Variants in RSBN1L observed in about 807,000 individuals in gnomAD.
RSBN1L encodes round spermatid basic protein 1 like, also known as lysine-specific demethylase RSBN1L.
In RSBN1L, 30 loss-of-function variants were observed where a neutral mutation model predicts 67.7. The ratio of observed to expected loss-of-function variants is 0.44; its 90% CI spans 0.33 to 0.60. RSBN1L has a LOEUF of 0.60. Among genes scored for constraint, RSBN1L ranks in the 20% least tolerant of loss-of-function variants. The pLI is 0.02. For synonymous variants in RSBN1L, 433 were observed against 387.0 expected (o/e 1.12, Z -1.39); for missense variants, 992 against 1,031.7 (o/e 0.96, Z 0.53).
chr7:77,757,845 G>A (rs1791640088), intron 3 of RSBN1L, among the ~76,000 whole-genome samples: 1 of 152,196 alleles, frequency 6.6e-6, no homozygotes, highest in Non-Finnish European at 1.5e-5. Flanking sequence ...GTAAGCCCCA[G>A]TGTACAAGCT....
intron 2 of RSBN1L, among the ~76,000 whole-genome samples, chr7:77,748,196 T>C (rs1791508852): frequency 6.6e-6 from 1 of 152,134 alleles, no homozygotes; most frequent in Non-Finnish European, 1.5e-5. Context: ...ATAAAAATTA[T>C]AGAAAGGTTA....
At chr7:77,766,468 A>T (rs1173024618) in intron 4 of RSBN1L, among the ~76,000 whole-genome samples, 1 of 151,410 alleles carries the variant, frequency 6.6e-6, no homozygotes, top group Non-Finnish European at 1.5e-5. Flanking sequence ...TACAGGTGTG[A>T]GCCACTGTGC....
At chr7:77,712,732 A>G (rs1790991904) in intron 1 of RSBN1L, among the ~76,000 whole-genome samples, 1 of 152,214 alleles carries the variant, frequency 6.6e-6, no homozygotes, top group Admixed American at 6.5e-5. Flanking sequence ...TGTTTGCATT[A>G]TATGTATAAA....
At chr7:77,732,690 T>TTA (rs1791286661) in intron 1 of RSBN1L, among the ~76,000 whole-genome samples, 1 of 152,202 alleles carries the variant, frequency 6.6e-6, no homozygotes. Context: ...GATTTGATTT[T>TTA]TATATACAGT....
chr7:77,733,732 G>A (rs899051062), intron 1 of RSBN1L, among the ~76,000 whole-genome samples: 1 of 152,138 alleles, frequency 6.6e-6, no homozygotes, highest in Non-Finnish European at 1.5e-5. Flanking sequence ...CATAGTGTAT[G>A]ATAGTTTTAT....
chr7:77,717,403 A>G (rs891754590), intron 1 of RSBN1L, among the ~76,000 whole-genome samples: 1 of 152,274 alleles, frequency 6.6e-6, no homozygotes, highest in East Asian at 1.9e-4. Flanking sequence ...TTTTCTACAT[A>G]TAATTGGTAA....
intron 1 of RSBN1L, among the ~76,000 whole-genome samples, chr7:77,721,762 A>G (rs1295715720): frequency 6.6e-6 from 1 of 152,208 alleles, no homozygotes; most frequent in Non-Finnish European, 1.5e-5. Context: ...AGATTCTTGA[A>G]TGACATATTA....
At chr7:77,703,301 G>A in intron 1 of RSBN1L, among the ~76,000 whole-genome samples, 1 of 151,762 alleles carries the variant, frequency 6.6e-6, no homozygotes, top group Non-Finnish European at 1.5e-5. Flanking sequence ...AGCTTTTCTG[G>A]GGTATTGCAG....
intron 3 of RSBN1L, chr7:77,759,684 C>G (rs532245505): frequency 6.6e-6 from 1 of 152,262 alleles, no homozygotes; most frequent in East Asian, 1.9e-4. Context: ...CACATTGGTG[C>G]TGATACAAGC....
chr7:77,778,016 G>A (rs1432989137), intron 6 of RSBN1L, among the ~76,000 whole-genome samples: 1 of 152,016 alleles, frequency 6.6e-6, no homozygotes, highest in Admixed American at 6.5e-5. Context: ...AATTTATGAA[G>A]CATTGATCTT....
intron 1 of RSBN1L, among the ~76,000 whole-genome samples, chr7:77,717,346 A>G (rs1332885213): frequency 6.6e-6 from 1 of 152,070 alleles, no homozygotes; most frequent in South Asian, 2.1e-4. Flanking sequence ...AGTTTTTCCT[A>G]GTATATTTTT....
At chr7:77,743,836 A>ATT (rs201962177) in intron 2 of RSBN1L, among the ~76,000 whole-genome samples, 1 of 151,404 alleles carries the variant, frequency 6.6e-6, no homozygotes, top group African/African-American at 2.4e-5. Flanking sequence ...TCTTTCCCTG[A>ATT]TTTTTTTTGA....
At chr7:77,720,525 C>T (rs939435514) in intron 1 of RSBN1L, among the ~76,000 whole-genome samples, 1 of 152,042 alleles carries the variant, frequency 6.6e-6, no homozygotes, top group African/African-American at 2.4e-5. Flanking sequence ...TGCCATTGCA[C>T]TCCAGCCTGG....
chr7:77,727,568 C>T (rs915795541), intron 1 of RSBN1L, among the ~76,000 whole-genome samples: 5 of 151,524 alleles, frequency 3.3e-5, no homozygotes, highest in Non-Finnish European at 7.4e-5. Flanking sequence ...TGCAGTGGCT[C>T]AGTTAGTAGC....
chr7:77,759,194 C>G (rs1203917845), intron 3 of RSBN1L, among the ~76,000 whole-genome samples: 1 of 152,160 alleles, frequency 6.6e-6, no homozygotes, highest in Non-Finnish European at 1.5e-5. Flanking sequence ...GATGTTTCAT[C>G]TTTGAAACAT....
At position 77,779,889 on chromosome 7, in the gene RSBN1L, TGC is replaced by T. The variant is rs1383346056; in HGVS notation, c.*723_*724del. On this transcript the variant is annotated 3_prime_UTR_variant, in exon 8 of 8. Transcript: ENST00000334955. ...CTGTCACCAGGCTGGAGTTCAGTGG[TGC>T]GATCTCGGCTCACTGCAACCTCTGC... 1 of 151,290 alleles carries T rather than the reference TGC, an allele frequency of 6.6e-6. No homozygotes were observed. Among genetic ancestry groups the T allele is most frequent in the Non-Finnish European group, 1.5e-5 (1 of 67,902 alleles). 9.4% of individuals were successfully genotyped at this position (151,290 alleles called of 1,614,324 possible).
At chr7:77,774,892 C>T (rs752534688) in intron 6 of RSBN1L, among the ~76,000 whole-genome samples, 1 of 152,072 alleles carries the variant, frequency 6.6e-6, no homozygotes. Context: ...GATAGGGCCT[C>T]ACTCTGTTGC....
At chr7:77,761,597 C>T (rs1368287181) in intron 3 of RSBN1L, among the ~76,000 whole-genome samples, 1 of 152,068 alleles carries the variant, frequency 6.6e-6, no homozygotes, top group Non-Finnish European at 1.5e-5. Context: ...TTGTGAAAAG[C>T]GTGTGGATTT....
At chr7:77,727,656 A>G (rs1791224659) in intron 1 of RSBN1L, among the ~76,000 whole-genome samples, 2 of 151,340 alleles carry the variant, frequency 1.3e-5, no homozygotes, top group South Asian at 4.2e-4. Flanking sequence ...TGTAGAGACA[A>G]GGCCTCACTT....
Sources: allele counts gnomAD v4.1 joint callset (sites outside exome capture counted in the v4.1 genomes callset), GRCh38; gene constraint gnomAD v4.1.1; transcripts MANE v1.5; gene names NCBI Gene and HGNC (gene_info 2026-07-23, HGNC 2026-07-21).